Variants in TESPA1 observed in about 807,000 individuals in gnomAD.
TESPA1 encodes the protein thymocyte expressed, positive selection associated 1, also known as protein TESPA1.
A neutral mutation model predicts 57.9 loss-of-function variants in TESPA1; 33 were observed. That is an observed-to-expected ratio of 0.57 (90% CI 0.43 to 0.76). TESPA1 has a LOEUF of 0.76. TESPA1 is among the 30% of genes least tolerant of loss of function. TESPA1 has a pLI of 0.00. For missense variants in TESPA1, 618 were observed against 632.9 expected, an observed-to-expected ratio of 0.98 and a Z score of 0.25; for synonymous variants, 227 against 228.9, an observed-to-expected ratio of 0.99 and a Z score of 0.07.
At chr12:54,965,950 T>C in intron 7 of TESPA1, 103 bp downstream of exon 7, 1 of 1,094,068 alleles carries the variant, frequency 9.1e-7, no homozygotes, top group East Asian at 2.6e-5. Flanking sequence ...GCATAAAAGC[T>C]CCAGTAAGAT....
At chr12:54,974,821 C>T (rs12303211) in intron 1 of TESPA1, among the ~76,000 whole-genome samples, 42,679 of 152,010 alleles carry the variant, frequency 0.28, 7,149 homozygotes, top group East Asian at 0.68. Flanking sequence ...GTCTTTCAAG[C>T]CAGAAAGTTT....
rs1443018532 is a variant in TESPA1, at chr12:54,968,098, CA to C, written c.207-207del. Reference sequence around the variant, plus strand: ...AGTTGGGGAAACTGGGGCTGGAATGCACTATATTTTAGATTGTGCTTCTGTT... The same window carrying C: ...AGTTGGGGAAACTGGGGCTGGAATGCCTATATTTTAGATTGTGCTTCTGTT... On this transcript the variant is annotated intron_variant, in intron 3 of 10. Transcript: ENST00000449076. The C allele has an allele frequency of 1.9e-5, 25 of 1,295,068 alleles. No individual in the cohort carries two copies. The Admixed American group carries it at 5.2e-4, about 27-fold the overall frequency. 80.2% of individuals were successfully genotyped at this position (1,295,068 alleles called of 1,614,324 possible).
intron 10 of TESPA1, among the ~76,000 whole-genome samples, chr12:54,954,206 G>A (rs1371057241): frequency 1.3e-5 from 2 of 152,192 alleles, no homozygotes; most frequent in African/African-American, 4.8e-5. Context: ...TGATGGAAAC[G>A]GCCTTGGCTT....
chr12:54,961,093 A>T lies in TESPA1; in HGVS notation c.*1+75T>A, dbSNP rs77390050. 2.4e-3 allele frequency: 948 copies of T among 391,528 alleles called. 1 individual carries two copies. Among genetic ancestry groups the T allele is most frequent in the East Asian group, 0.012 (3 of 248 alleles). The allele number at this position is 391,528 out of a possible 1,614,324, so 24.3% of individuals were successfully genotyped here. A position where few individuals can be genotyped will look rare whatever the true frequency, so the allele number is the denominator to read the frequency against. ...ATGTGGGACCCTTTATTATGGGTTT[A>T]AAAAAAAAAAACCTTCCTCATTTGA... On this transcript the variant is annotated intron_variant, in intron 10 of 10. Transcript: ENST00000449076.
intron 7 of TESPA1, 50 bp from the exon 8 acceptor site, chr12:54,964,000 T>C: frequency 6.5e-7 from 1 of 1,530,838 alleles, no homozygotes; most frequent in Non-Finnish European, 9.0e-7. Flanking sequence ...AGACACATGG[T>C]AATTCAGAAT....
chr12:54,968,873 A>G (rs1045096647), intron 3 of TESPA1, among the ~76,000 whole-genome samples: 1 of 151,910 alleles, frequency 6.6e-6, no homozygotes, highest in African/African-American at 2.4e-5. Flanking sequence ...TTTTCTCTTT[A>G]TCAGTCTCCA....
chr12:54,950,279 G>A lies in TESPA1; in HGVS notation c.*113C>T, dbSNP rs1211898144. On this transcript the variant is annotated 3_prime_UTR_variant, in exon 11 of 11. Transcript: ENST00000449076. ...GAGTTTGGGGGTTTGGAGGACCAAGGAGTAGGGGCTGGATGTTGAGGGCAG... is the reference window on the plus strand; with the variant it reads ...GAGTTTGGGGGTTTGGAGGACCAAGAAGTAGGGGCTGGATGTTGAGGGCAG... 1.3e-5 allele frequency: 6 copies of A among 456,774 alleles called. No individual in the cohort carries two copies. The highest frequency in any genetic ancestry group is 2.6e-5 in the Non-Finnish European group (6 of 226,982). 28.3% of individuals were successfully genotyped at this position (456,774 alleles called of 1,614,324 possible).
chr12:54,969,046 T>TGC, intron 3 of TESPA1, among the ~76,000 whole-genome samples: 1 of 124,474 alleles, frequency 8.0e-6, no homozygotes, highest in East Asian at 4.6e-4. Flanking sequence ...TATATATATA[T>TGC]GTGTGTGTGT....
At chr12:54,973,925 T>C in intron 2 of TESPA1, 2 of 1,043,406 alleles carry the variant, frequency 1.9e-6, no homozygotes, top group Non-Finnish European at 2.3e-6. Context: ...ATGACTGTGG[T>C]CTCATCTGAA....
intron 4 of TESPA1, 132 bp downstream of exon 4, chr12:54,967,711 C>T: frequency 1.0e-5 from 11 of 1,083,142 alleles, no homozygotes; most frequent in Non-Finnish European, 1.3e-5. Context: ...GTTTTGCAGC[C>T]AGTTTAAGAA....
At chr12:54,962,063 T>C (rs1488002269) in intron 9 of TESPA1, among the ~76,000 whole-genome samples, 3 of 152,258 alleles carry the variant, frequency 2.0e-5, no homozygotes, top group Admixed American at 1.3e-4. Flanking sequence ...TATGGTTAGA[T>C]ATTTGTCAAG....
chr12:54,960,008 T>C (rs553591570), intron 10 of TESPA1, among the ~76,000 whole-genome samples: 3 of 152,320 alleles, frequency 2.0e-5, no homozygotes, highest in South Asian at 4.1e-4. Flanking sequence ...ACAGTTAGAA[T>C]TGTAAATATC....
At chr12:54,954,072 T>C (rs1950582667) in intron 10 of TESPA1, among the ~76,000 whole-genome samples, 1 of 152,166 alleles carries the variant, frequency 6.6e-6, no homozygotes, top group Admixed American at 6.5e-5. Flanking sequence ...AGTGAGAGTA[T>C]TGGTACTTAG....
At chr12:54,951,902 A>C (rs901043708) in intron 10 of TESPA1, among the ~76,000 whole-genome samples, 1 of 149,896 alleles carries the variant, frequency 6.7e-6, no homozygotes, top group African/African-American at 2.5e-5. Flanking sequence ...TGGGTGAACT[A>C]TCTTTCCTCA....
chr12:54,982,665 ACAG>A (rs1452149306), intron 1 of TESPA1, among the ~76,000 whole-genome samples: 2 of 152,256 alleles, frequency 1.3e-5, no homozygotes, highest in African/African-American at 4.8e-5. Context: ...AGAATAAGAA[ACAG>A]CAGTTTATCT....
chr12:54,964,066 C>T, intron 7 of TESPA1, 116 bp from the exon 8 acceptor site: 1 of 1,049,740 alleles, frequency 9.5e-7, no homozygotes, highest in South Asian at 1.6e-5. Flanking sequence ...GTCCATTTCT[C>T]TACTTTTCAC....
Position 54,974,453 on chromosome 12 carries a change from A to G in TESPA1, c.110T>C (p.Leu37Pro), listed in dbSNP as rs563892525. 1.2e-5 allele frequency: 19 copies of G among 1,610,184 alleles called. No individual in the cohort carries two copies. The African/African-American group carries it at 2.4e-4, about 20-fold the overall frequency. Reference sequence around the variant, plus strand: ...AGGCTCAGGATCTGGGACATCCTGCAGGGCGGCGGCAGCCTCCTCTTCTAG... The same window carrying G: ...AGGCTCAGGATCTGGGACATCCTGCGGGGCGGCGGCAGCCTCCTCTTCTAG... ...QVLEEEAAAA[L>P]QDVPDPEPSS... The change falls in exon 2 of 11, where the codon CTG becomes CCG. Residue 37 changes from leucine (L) to proline (P), a missense_variant. Physicochemically the swap from Leu to Pro is moderately conservative, Grantham distance 98. Transcript: ENST00000449076.
Position 54,979,865 on chromosome 12 carries a change from A to G in TESPA1, c.-46+4720T>C, listed in dbSNP as rs543652910. ...GATTCACTACACATTGACACGGGCAAGTCAAAGGTAGGTAGTCATAATAAC... is the reference window on the plus strand; with the variant it reads ...GATTCACTACACATTGACACGGGCAGGTCAAAGGTAGGTAGTCATAATAAC... On this transcript the variant is annotated intron_variant, in intron 1 of 10. Transcript: ENST00000449076. 1.4e-3 allele frequency among the ~76,000 whole-genome samples: 209 copies of G among 152,358 alleles called. 4 individuals are homozygous for G. In the South Asian group the frequency reaches 0.042, roughly 30 times the overall value.
intron 1 of TESPA1, among the ~76,000 whole-genome samples, chr12:54,975,623 C>T (rs1184498898): frequency 3.3e-5 from 5 of 151,958 alleles, no homozygotes; most frequent in Non-Finnish European, 7.4e-5. Flanking sequence ...GGTCTTATCC[C>T]CCTATTTCCT....
Sources: allele counts gnomAD v4.1 joint callset (sites outside exome capture counted in the v4.1 genomes callset), GRCh38; gene constraint gnomAD v4.1.1; transcripts MANE v1.5; gene names NCBI Gene and HGNC (gene_info 2026-07-23, HGNC 2026-07-21).